The following NCOA3 variants were observed in gnomAD, a reference collection of about 807,000 sequenced individuals.
The protein encoded by NCOA3 is CBP-interacting protein.
In NCOA3, 51 loss-of-function variants were observed where a neutral mutation model predicts 158.8. That is an observed-to-expected ratio of 0.32 (90% confidence interval 0.26 to 0.41). NCOA3 has a LOEUF of 0.41. Ranked by LOEUF, NCOA3 falls within the 10% of genes least tolerant of loss-of-function variation. The pLI, the probability that NCOA3 is intolerant of heterozygous loss-of-function variation, is 1.00. For synonymous variants in NCOA3, 537 were observed against 592.4 expected (o/e 0.91, Z 1.36); for missense variants, 1,510 against 1,746.6 (o/e 0.86, Z 2.41).
Position 47,622,226 on chromosome 20 carries a change from T to G in NCOA3, c.-19-3T>G, listed in dbSNP as rs2086253039. On this transcript the variant is annotated splice_region_variant and splice_polypyrimidine_tract_variant and intron_variant, in intron 2 of 22. Coordinates refer to ENST00000371998, the MANE Select transcript of NCOA3 (RefSeq NM_181659.3). ...TATCTTATTTCTCATTATTCTCTCT[T>G]AGTTGCTGATGTATATTCAAGATGA... 6.8e-7 allele frequency: 1 copy of G among 1,468,950 alleles called. No homozygotes were observed. The highest frequency in any genetic ancestry group is 1.2e-5 in the South Asian group (1 of 85,104). 91.0% of individuals were successfully genotyped at this position (1,468,950 alleles called of 1,614,324 possible).
chr20:47,626,759 T>G (rs927216483), intron 5 of NCOA3, among the ~76,000 whole-genome samples: 1 of 152,202 alleles, frequency 6.6e-6, no homozygotes, highest in African/African-American at 2.4e-5. Context: ...GGCTTGTCAC[T>G]GTGTTCTCCC....
intron 2 of NCOA3, among the ~76,000 whole-genome samples, chr20:47,608,314 C>T (rs1489185125): frequency 2.6e-5 from 4 of 151,498 alleles, no homozygotes; most frequent in Non-Finnish European, 5.9e-5. Flanking sequence ...AAAACTCCAT[C>T]TCAAAAAACA....
In NCOA3 at chr20:47,585,824, C is replaced by T. The variant is rs2085526945; in HGVS notation, c.-20+2563C>T. On this transcript the variant is annotated intron_variant, in intron 2 of 22. Transcript: ENST00000371998. The stretch of plus-strand genomic sequence containing the variant: ...AATGGTACTTTATCTGAGAATCTAT[C>T]CAAGTTACCAGCCTTAGGTCTTGCA... Among the ~76,000 whole-genome samples the T allele has an allele frequency of 2.0e-5, 3 of 152,158 alleles. No homozygotes were observed. The South Asian group carries it at 6.2e-4, about 31-fold the overall frequency.
At chr20:47,555,335 G>A (rs6066380) in intron 1 of NCOA3, among the ~76,000 whole-genome samples, 10,225 of 152,244 alleles carry the variant, frequency 0.067, 441 homozygotes, top group Non-Finnish European at 0.097. Flanking sequence ...CTAGAAAAAA[G>A]AATATTGGAG....
At chr20:47,649,550 G>A (rs747177712) in intron 19 of NCOA3, among the ~76,000 whole-genome samples, 1 of 152,116 alleles carries the variant, frequency 6.6e-6, no homozygotes, top group Non-Finnish European at 1.5e-5. Flanking sequence ...CCTGTTTCTT[G>A]TAGTAGGAGG....
intron 1 of NCOA3, among the ~76,000 whole-genome samples, chr20:47,540,116 C>G (rs1166066209): frequency 6.6e-6 from 1 of 152,096 alleles, no homozygotes; most frequent in Non-Finnish European, 1.5e-5. Context: ...AGGCCATGCC[C>G]TTTTTACCAC....
intron 1 of NCOA3, among the ~76,000 whole-genome samples, chr20:47,507,695 T>C (rs959229585): frequency 3.3e-5 from 5 of 152,242 alleles, no homozygotes; most frequent in African/African-American, 1.2e-4. Context: ...CTTGGCTCAC[T>C]GTAACCTTTG....
At chr20:47,643,190 A>C (rs1378936316) in intron 17 of NCOA3, among the ~76,000 whole-genome samples, 2 of 152,268 alleles carry the variant, frequency 1.3e-5, no homozygotes, top group Admixed American at 6.5e-5. Flanking sequence ...CTGGGATTAC[A>C]GGCGTGAGCC....
intron 1 of NCOA3, among the ~76,000 whole-genome samples, chr20:47,538,536 C>T (rs2084670716): frequency 6.6e-6 from 1 of 151,990 alleles, no homozygotes; most frequent in Non-Finnish European, 1.5e-5. Context: ...AAATAACCAG[C>T]ATTATTACTA....
intron 1 of NCOA3, among the ~76,000 whole-genome samples, chr20:47,503,624 T>C (rs1057189325): frequency 6.6e-6 from 1 of 152,138 alleles, no homozygotes; most frequent in Non-Finnish European, 1.5e-5. Context: ...CTGTTTTTGC[T>C]CTCTTAAAAA....
chr20:47,618,221 T>A (rs920132058), intron 2 of NCOA3, among the ~76,000 whole-genome samples: 70 of 151,954 alleles, frequency 4.6e-4, no homozygotes, highest in African/African-American at 1.6e-3. Flanking sequence ...GGTGACAGAG[T>A]GAGACTCTTG....
chr20:47,651,322 A>G (rs747982450), intron 20 of NCOA3, 46 bp downstream of exon 20: 29 of 1,562,412 alleles, frequency 1.9e-5, no homozygotes, highest in Admixed American at 5.4e-5. Context: ...TAACATTACT[A>G]AGGACATAAG....
chr20:47,549,057 T>G (rs1238717537), intron 1 of NCOA3, among the ~76,000 whole-genome samples: 1 of 152,126 alleles, frequency 6.6e-6, no homozygotes, highest in African/African-American at 2.4e-5. Context: ...TTAAATTTTT[T>G]GTAGAGATGG....
intron 2 of NCOA3, among the ~76,000 whole-genome samples, chr20:47,615,414 G>T (rs1731034602): frequency 2.6e-5 from 4 of 151,934 alleles, no homozygotes. Flanking sequence ...TTTTCCTTTT[G>T]GACAGGGCGT....
intron 1 of NCOA3, among the ~76,000 whole-genome samples, chr20:47,545,174 A>G (rs937787392): frequency 1.2e-5 from 1 of 84,284 alleles, no homozygotes; most frequent in Non-Finnish European, 2.2e-5. Flanking sequence ...TATCCATAGG[A>G]TTTTTTTTTT....
chr20:47,637,333 G>A (rs2086531128), intron 12 of NCOA3, among the ~76,000 whole-genome samples: 1 of 152,156 alleles, frequency 6.6e-6, no homozygotes, highest in Non-Finnish European at 1.5e-5. Context: ...TGTAGATGCA[G>A]ATATCTGTTA....
At chr20:47,571,316 CTTTCT>C in intron 1 of NCOA3, among the ~76,000 whole-genome samples, 1 of 148,500 alleles carries the variant, frequency 6.7e-6, no homozygotes, top group Non-Finnish European at 1.5e-5. Context: ...ATTTTCTTTT[CTTTCT>C]TTTTTTTTTT....
intron 1 of NCOA3, among the ~76,000 whole-genome samples, chr20:47,573,486 T>C (rs1332253363): frequency 6.6e-6 from 1 of 151,980 alleles, no homozygotes; most frequent in Non-Finnish European, 1.5e-5. Flanking sequence ...CTTGAGATAA[T>C]AGGAGCATCA....
chr20:47,554,817 G>A lies in NCOA3; in HGVS notation c.-98-28366G>A, dbSNP rs113581256. Among the ~76,000 whole-genome samples, 34 of 152,112 alleles carry A rather than the reference G, an allele frequency of 2.2e-4. No individual in the cohort carries two copies. In the South Asian group the frequency reaches 2.3e-3, roughly 10 times the overall value. Reference sequence around the variant, plus strand: ...TTATAGATTCAATGCCATCCCCATCGAGCTACCAATGACTTTCTTCACAGA... The same window carrying A: ...TTATAGATTCAATGCCATCCCCATCAAGCTACCAATGACTTTCTTCACAGA... On this transcript the variant is annotated intron_variant, in intron 1 of 22. Coordinates refer to ENST00000371998, the MANE Select transcript of NCOA3 (RefSeq NM_181659.3).
Sources: allele counts gnomAD v4.1 joint callset (sites outside exome capture counted in the v4.1 genomes callset), GRCh38; gene constraint gnomAD v4.1.1; transcripts MANE v1.5; gene names NCBI Gene and HGNC (gene_info 2026-07-23, HGNC 2026-07-21).